The following FKBP5 variants were observed in gnomAD, a reference collection of about 807,000 sequenced individuals.
The protein encoded by FKBP5 is FKBP prolyl isomerase 5.
In FKBP5, 23 loss-of-function variants were observed where a neutral mutation model predicts 50.5. The observed-to-expected ratio is 0.46, with a 90% CI of 0.33 to 0.65. The LOEUF (loss-of-function observed/expected upper bound fraction) is 0.65. FKBP5 is among the 30% of genes least tolerant of loss of function. The pLI, the probability that FKBP5 is intolerant of heterozygous loss-of-function variation, is 0.02. For synonymous variants in FKBP5, 176 were observed against 190.6 expected (o/e 0.92, Z 0.63); for missense variants, 411 against 553.1 (o/e 0.74, Z 2.58).
intron 5 of FKBP5, among the ~76,000 whole-genome samples, chr6:35,602,042 TTC>T (rs1180946474): frequency 6.6e-6 from 1 of 152,146 alleles, no homozygotes; most frequent in African/African-American, 2.4e-5. Flanking sequence ...TGACTTATTG[TTC>T]TCTTACTGCC....
chr6:35,590,015 T>C (rs1347349585), intron 7 of FKBP5, among the ~76,000 whole-genome samples: 1 of 152,174 alleles, frequency 6.6e-6, no homozygotes, highest in East Asian at 1.9e-4. Flanking sequence ...GTGCTTAATG[T>C]GGTCAGGCAC....
At chr6:35,719,035 C>T (rs1393914118) in intron 2 of FKBP5, among the ~76,000 whole-genome samples, 1 of 152,168 alleles carries the variant, frequency 6.6e-6, no homozygotes, top group African/African-American at 2.4e-5. Flanking sequence ...GCTGGCCCTC[C>T]CCTTGCCCCC....
chr6:35,634,571 A>G (rs1347728972), intron 3 of FKBP5, among the ~76,000 whole-genome samples: 4 of 152,176 alleles, frequency 2.6e-5, no homozygotes, highest in Non-Finnish European at 5.9e-5. Flanking sequence ...GCTGAGTGGC[A>G]AGAGACAGAA....
intron 7 of FKBP5, among the ~76,000 whole-genome samples, chr6:35,588,949 C>T (rs930534406): frequency 2.8e-4 from 42 of 150,862 alleles, no homozygotes; most frequent in African/African-American, 9.5e-4. Flanking sequence ...CACTATGTTG[C>T]CCAAGCTGGT....
At chr6:35,688,000 G>T (rs1355848226) in intron 1 of FKBP5, among the ~76,000 whole-genome samples, 3 of 152,252 alleles carry the variant, frequency 2.0e-5, no homozygotes, top group Non-Finnish European at 2.9e-5. Flanking sequence ...CCAATAAGGC[G>T]GAAGACGTTT....
chr6:35,626,021 C>A (rs901468448), intron 3 of FKBP5, among the ~76,000 whole-genome samples: 1 of 151,770 alleles, frequency 6.6e-6, no homozygotes, highest in Non-Finnish European at 1.5e-5. Context: ...CCTCGTGATC[C>A]GCCTGCCTCA....
chr6:35,704,951 G>C (rs1207589953), intron 2 of FKBP5, among the ~76,000 whole-genome samples: 4 of 151,244 alleles, frequency 2.6e-5, no homozygotes, highest in South Asian at 2.1e-4. Flanking sequence ...ACCATCCTGG[G>C]TAACACGGTG....
At chr6:35,712,042 T>TAA (rs71002597) in intron 2 of FKBP5, among the ~76,000 whole-genome samples, 5,975 of 128,208 alleles carry the variant, frequency 0.047, 442 homozygotes, top group African/African-American at 0.16. Flanking sequence ...CTGGGCTAAT[T>TAA]AAAAAAAAAA....
At chr6:35,693,260 T>A (rs1766027422), upstream of FKBP5, among the ~76,000 whole-genome samples, 2 of 149,454 alleles carry the variant, frequency 1.3e-5, no homozygotes, top group Non-Finnish European at 3.0e-5. Context: ...CCTTCCAGGT[T>A]CACACCATTC....
intron 2 of FKBP5, among the ~76,000 whole-genome samples, chr6:35,641,583 A>G (rs1764491372): frequency 6.6e-6 from 1 of 152,204 alleles, no homozygotes; most frequent in African/African-American, 2.4e-5. Flanking sequence ...CTGAAATGTC[A>G]TTATATGGTG....
At chr6:35,624,667 G>C (rs893093800) in intron 3 of FKBP5, among the ~76,000 whole-genome samples, 1 of 152,016 alleles carries the variant, frequency 6.6e-6, no homozygotes, top group African/African-American at 2.4e-5. Flanking sequence ...GATTTATTAA[G>C]ATACCCAAAC....
At position 35,725,242 on chromosome 6, in the gene FKBP5, T is replaced by C. The variant is rs1581908845; in HGVS notation, c.-241+3266A>G. Among the ~76,000 whole-genome samples, 3 of 152,230 alleles carry C rather than the reference T, an allele frequency of 2.0e-5. No homozygotes were observed. The South Asian group carries it at 6.2e-4, about 32-fold the overall frequency. ...GGGTGAGAGGATGGGTAGATCCCCC[T>C]CCCTGCCGCGAGGCCCCCACCTCTG... On this transcript the variant is annotated intron_variant, in intron 1 of 11. Transcript: ENST00000536438.
At chr6:35,575,972 T>C in intron 10 of FKBP5, 30 bp from the exon 11 acceptor site, 2 of 1,467,842 alleles carry the variant, frequency 1.4e-6, no homozygotes, top group Non-Finnish European at 1.9e-6. Context: ...TCAAGAAGGT[T>C]AGAGAATAAA....
chr6:35,644,265 G>C (rs1159147447), intron 1 of FKBP5, among the ~76,000 whole-genome samples: 2 of 152,136 alleles, frequency 1.3e-5, no homozygotes, highest in African/African-American at 4.8e-5. Context: ...TGTTTGGGCA[G>C]GGAAAATCAA....
In FKBP5 at chr6:35,635,026, CAAAAAA is replaced by C. The variant is rs35794477; in HGVS notation, c.250+1982_250+1987del. 9.2e-3 allele frequency among the ~76,000 whole-genome samples: 693 copies of C among 75,138 alleles called. 8 individuals carry two copies. Among genetic ancestry groups the C allele is most frequent in the African/African-American group, 0.034 (617 of 18,354 alleles). The allele number at this position is 75,138 out of a possible 152,430, so 49.3% of individuals were successfully genotyped here. On this transcript the variant is annotated intron_variant, in intron 3 of 10. Transcript: ENST00000357266. Reference sequence around the variant, plus strand: ...GCAACATGGTGAAACCCTGTCTCTACAAAAAAAAAAAAAAAAAAAAAATTAGGCTGG... The same window carrying C: ...GCAACATGGTGAAACCCTGTCTCTACAAAAAAAAAAAAAAAATTAGGCTGG...
At chr6:35,692,585 G>A (rs1766009027), upstream of FKBP5, among the ~76,000 whole-genome samples, 3 of 152,044 alleles carry the variant, frequency 2.0e-5, no homozygotes, top group Admixed American at 1.3e-4. Flanking sequence ...GATCACCTGA[G>A]GTCAGGAGTT....
chr6:35,645,458 G>T (rs1326810230), intron 1 of FKBP5, among the ~76,000 whole-genome samples: 1 of 152,128 alleles, frequency 6.6e-6, no homozygotes, highest in African/African-American at 2.4e-5. Context: ...GAGAGAGAAA[G>T]AGAGAGAGGG....
chr6:35,643,509 G>A (rs931498178), intron 1 of FKBP5, among the ~76,000 whole-genome samples: 2 of 152,170 alleles, frequency 1.3e-5, no homozygotes, highest in Non-Finnish European at 2.9e-5. Flanking sequence ...CCTACAGAAT[G>A]TTCTTCCATG....
chr6:35,634,593 A>C (rs139055472), intron 3 of FKBP5, among the ~76,000 whole-genome samples: 2 of 152,268 alleles, frequency 1.3e-5, no homozygotes, highest in Non-Finnish European at 1.5e-5. Context: ...GTAACTCCTC[A>C]GTTTCTGCTT....
Sources: allele counts gnomAD v4.1 joint callset (sites outside exome capture counted in the v4.1 genomes callset), GRCh38; gene constraint gnomAD v4.1.1; transcripts MANE v1.5; gene names NCBI Gene and HGNC (gene_info 2026-07-23, HGNC 2026-07-21).